The following PLD5 variants were observed in gnomAD, a reference collection of about 807,000 sequenced individuals.
The protein encoded by PLD5 is inactive phospholipase D5.
A neutral mutation model predicts 61.1 loss-of-function variants in PLD5; 36 were observed. That is an observed-to-expected ratio of 0.59 (90% CI 0.45 to 0.78). PLD5 has a LOEUF of 0.78. Ranked by LOEUF, PLD5 falls within the 30% of genes least tolerant of loss-of-function variation. PLD5 has a pLI of 0.00. For synonymous variants in PLD5, 243 were observed against 242.8 expected (o/e 1.00, Z -0.01); for missense variants, 515 against 644.4 (o/e 0.80, Z 2.17).
At chr1:242,458,427 C>T (rs150743168) in intron 1 of PLD5, among the ~76,000 whole-genome samples, 13 of 152,336 alleles carry the variant, frequency 8.5e-5, no homozygotes, top group African/African-American at 3.1e-4. Context: ...TTATATTGTA[C>T]ATTTAACTCC....
At chr1:242,428,475 C>T (rs149030677) in intron 1 of PLD5, among the ~76,000 whole-genome samples, 3 of 152,258 alleles carry the variant, frequency 2.0e-5, no homozygotes, top group African/African-American at 2.4e-5. Context: ...GAGCTTCAGC[C>T]CTGCTGTAGA....
intron 1 of PLD5, among the ~76,000 whole-genome samples, chr1:242,443,360 A>G (rs1300105135): frequency 1.3e-5 from 2 of 152,218 alleles, no homozygotes; most frequent in Non-Finnish European, 2.9e-5. Flanking sequence ...AAATTTCTCC[A>G]AATAGATATG....
rs1409681017 is a variant in PLD5, at chr1:242,084,014, A to T, written c.*5840T>A. 1 of 152,220 alleles carries T rather than the reference A, an allele frequency of 6.6e-6. No individual in the cohort carries two copies. Among genetic ancestry groups the T allele is most frequent in the Non-Finnish European group, 1.5e-5 (1 of 68,040 alleles). 9.4% of individuals were successfully genotyped at this position (152,220 alleles called of 1,614,324 possible). On this transcript the variant is annotated 3_prime_UTR_variant, in exon 10 of 10. Coordinates refer to ENST00000536534, the MANE Select transcript of PLD5 (RefSeq NM_001372062.1). ...GGAATTAATAATTTTTTAATGTCTG[A>T]GCCAAAAGGAATGGGTTTGAGAGCC...
intron 1 of PLD5, among the ~76,000 whole-genome samples, chr1:242,349,587 C>A (rs1219644515): frequency 6.6e-6 from 1 of 152,142 alleles, no homozygotes; most frequent in African/African-American, 2.4e-5. Context: ...GAAATACCAG[C>A]TGAATGTCCA....
At chr1:242,128,093 T>C (rs1662937813) in intron 5 of PLD5, among the ~76,000 whole-genome samples, 1 of 152,124 alleles carries the variant, frequency 6.6e-6, no homozygotes, top group Non-Finnish European at 1.5e-5. Flanking sequence ...CATGGGAGGA[T>C]TGTTTGTTCA....
chr1:242,402,370 A>T (rs1663987246), intron 1 of PLD5, among the ~76,000 whole-genome samples: 1 of 152,150 alleles, frequency 6.6e-6, no homozygotes, highest in African/African-American at 2.4e-5. Context: ...TATTTTTATG[A>T]TTTCTTGTGC....
intron 5 of PLD5, among the ~76,000 whole-genome samples, chr1:242,133,397 C>T (rs980974010): frequency 6.6e-6 from 1 of 152,196 alleles, no homozygotes; most frequent in Non-Finnish European, 1.5e-5. Context: ...TCTTGAGCTG[C>T]TTGCTTGAGC....
intron 1 of PLD5, among the ~76,000 whole-genome samples, chr1:242,376,596 C>T (rs1191922807): frequency 6.6e-6 from 1 of 152,128 alleles, no homozygotes; most frequent in East Asian, 1.9e-4. Flanking sequence ...TTACTAAGAA[C>T]TCTGTTTTAA....
chr1:242,298,623 C>T (rs1675852902), intron 2 of PLD5, among the ~76,000 whole-genome samples: 1 of 152,162 alleles, frequency 6.6e-6, no homozygotes, highest in Non-Finnish European at 1.5e-5. Context: ...ATTTTGAAAG[C>T]AGAGGCTACT....
chr1:242,155,773 T>C (rs1250961789), intron 5 of PLD5, among the ~76,000 whole-genome samples: 2 of 152,200 alleles, frequency 1.3e-5, no homozygotes, highest in Admixed American at 6.5e-5. Flanking sequence ...ATTCCATTTA[T>C]GTGGTCAATT....
chr1:242,327,065 C>T (rs1658837850), intron 2 of PLD5, among the ~76,000 whole-genome samples: 1 of 32,056 alleles, frequency 3.1e-5, no homozygotes, highest in African/African-American at 8.1e-5. Context: ...TGGGGTTTCA[C>T]CGTGTTAGCC....
intron 5 of PLD5, among the ~76,000 whole-genome samples, chr1:242,170,067 C>G (rs1012244478): frequency 6.6e-6 from 1 of 152,228 alleles, no homozygotes; most frequent in African/African-American, 2.4e-5. Flanking sequence ...CCTCTCAGCA[C>G]AGGTTTGAGC....
At chr1:242,159,301 A>G (rs1665643102) in intron 5 of PLD5, among the ~76,000 whole-genome samples, 1 of 152,168 alleles carries the variant, frequency 6.6e-6, no homozygotes, top group Non-Finnish European at 1.5e-5. Flanking sequence ...CCTTTAGTGA[A>G]TCAAGGATTT....
rs375656854 is a variant in PLD5, at chr1:242,183,812, G to C, written c.735+36176C>G. On this transcript the variant is annotated intron_variant, in intron 5 of 9. Coordinates refer to ENST00000536534, the MANE Select transcript of PLD5 (RefSeq NM_001372062.1). Reference sequence around the variant, plus strand: ...GGGAGGTCTGAGGCAGTAGAATGGCGTGAACCCGGGAGGCGGAGCTCGCAG... The same window carrying C: ...GGGAGGTCTGAGGCAGTAGAATGGCCTGAACCCGGGAGGCGGAGCTCGCAG... Among the ~76,000 whole-genome samples, 5 of 152,198 alleles carry C rather than the reference G, an allele frequency of 3.3e-5. No homozygotes were observed. In the South Asian group the frequency reaches 8.3e-4, roughly 25 times the overall value.
intron 5 of PLD5, among the ~76,000 whole-genome samples, chr1:242,128,103 A>G (rs578187453): frequency 6.6e-6 from 1 of 152,256 alleles, no homozygotes; most frequent in Admixed American, 6.5e-5. Context: ...TTGTTTGTTC[A>G]AAAACAGTCT....
At chr1:242,475,424 A>G (rs1667567675) in intron 1 of PLD5, among the ~76,000 whole-genome samples, 1 of 140,766 alleles carries the variant, frequency 7.1e-6, no homozygotes, top group Admixed American at 6.9e-5. Context: ...CTCCGTCTCA[A>G]AAAAAAAAAA....
At chr1:242,221,736 T>C (rs10737874) in intron 4 of PLD5, among the ~76,000 whole-genome samples, 46,110 of 151,964 alleles carry the variant, frequency 0.3, 7,290 homozygotes, top group East Asian at 0.53. Context: ...AACTTGGGTA[T>C]GGCAGAATCT....
intron 2 of PLD5, chr1:242,345,671 GC>G: frequency 1.3e-6 from 1 of 785,312 alleles, no homozygotes; most frequent in Non-Finnish European, 2.3e-6. Flanking sequence ...CTGACCTAAA[GC>G]CCACAGGTGT....
chr1:242,465,685 T>C (rs1667254263), intron 1 of PLD5, among the ~76,000 whole-genome samples: 1 of 152,042 alleles, frequency 6.6e-6, no homozygotes, highest in African/African-American at 2.4e-5. Flanking sequence ...TCCCAGCACT[T>C]TGGGAGGCTG....
Sources: allele counts gnomAD v4.1 joint callset (sites outside exome capture counted in the v4.1 genomes callset), GRCh38; gene constraint gnomAD v4.1.1; transcripts MANE v1.5; gene names NCBI Gene and HGNC (gene_info 2026-07-23, HGNC 2026-07-21).